The following MAP2K2 variants were observed in gnomAD, a reference collection of about 807,000 sequenced individuals.
MAP2K2 encodes the protein mitogen-activated protein kinase kinase 2.
MAP2K2 carries 24 observed loss-of-function variants against 43.7 expected under a neutral mutation model. That is an observed-to-expected ratio of 0.55 (90% CI 0.40 to 0.77). MAP2K2 has a LOEUF of 0.77. Among genes scored for constraint, MAP2K2 ranks in the 30% least tolerant of loss-of-function variants. MAP2K2 has a pLI of 0.00. For synonymous variants in MAP2K2, 244 were observed against 239.7 expected, an observed-to-expected ratio of 1.02 and a Z score of -0.17; for missense variants, 470 against 566.8, an observed-to-expected ratio of 0.83 and a Z score of 1.73.
intron 1 of MAP2K2, among the ~76,000 whole-genome samples, chr19:4,118,460 T>C (rs966921509): frequency 2.6e-5 from 4 of 152,078 alleles, no homozygotes; most frequent in African/African-American, 9.7e-5. Context: ...ACGTTTGCAG[T>C]CCCAGCTACT....
chr19:4,104,202 T>C (rs192451062), intron 3 of MAP2K2, among the ~76,000 whole-genome samples: 1 of 145,720 alleles, frequency 6.9e-6, no homozygotes, highest in Non-Finnish European at 1.5e-5. Context: ...GAGGCAGAGG[T>C]TGCTGTGAGT....
intron 3 of MAP2K2, chr19:4,103,589 AG>A (rs1348367729): frequency 6.6e-6 from 1 of 151,768 alleles, no homozygotes; most frequent in Admixed American, 6.6e-5. Context: ...ATGCTGCTCC[AG>A]GACTCCTGCA....
intron 3 of MAP2K2, among the ~76,000 whole-genome samples, chr19:4,108,706 C>T (rs982135529): frequency 1.3e-5 from 2 of 152,052 alleles, no homozygotes; most frequent in African/African-American, 2.4e-5. Flanking sequence ...AGGTTGGGGG[C>T]GGGTTGCCAC....
In MAP2K2 at chr19:4,097,349, C is replaced by T. The variant is rs1258620869; in HGVS notation, c.920-6G>A. The T allele has an allele frequency of 6.2e-6, 10 of 1,610,782 alleles. No individual in the cohort carries two copies. The highest frequency in any genetic ancestry group is 8.5e-6 in the Non-Finnish European group (10 of 1,178,208). On this transcript the variant is annotated splice_region_variant and splice_polypyrimidine_tract_variant and intron_variant, in intron 7 of 10. Transcript: ENST00000262948. ...CCGGCTATCCATCCCGTGACCTGCA[C>T]AGGGAGAGAGATGGAGGTGAGATGG...
rs1033120487 is a variant in MAP2K2 at position 4,101,789 on chromosome 19, C to T, written c.529-509G>A. Among the ~76,000 whole-genome samples, 9 of 152,170 alleles carry T rather than the reference C, an allele frequency of 5.9e-5. No homozygotes were observed. The highest frequency in any genetic ancestry group is 8.8e-5 in the Non-Finnish European group (6 of 68,026). On this transcript the variant is annotated intron_variant, in intron 4 of 10. Transcript: ENST00000262948. This position sits in a 1 kb window ranked among gnomAD's most constrained non-coding sequence, Gnocchi z 6.3. ...GGCAGTGTGACGGCAGCTTTCAACT[C>T]GGAAACGCGTGTCTGGCAGCATGCG...
At chr19:4,118,396 A>C (rs1280567706) in intron 1 of MAP2K2, among the ~76,000 whole-genome samples, 1 of 152,112 alleles carries the variant, frequency 6.6e-6, no homozygotes, top group African/African-American at 2.4e-5. Context: ...GAGAACCAAG[A>C]GTAGAGGGCA....
At chr19:4,107,251 C>G (rs568113519) in intron 3 of MAP2K2, among the ~76,000 whole-genome samples, 2 of 151,868 alleles carry the variant, frequency 1.3e-5, no homozygotes, top group Non-Finnish European at 2.9e-5. Context: ...TTGCCGGGCG[C>G]GGTGGCTCAC....
chr19:4,095,971 C>T (rs1444944472), intron 8 of MAP2K2, among the ~76,000 whole-genome samples: 2 of 152,212 alleles, frequency 1.3e-5, no homozygotes, highest in Non-Finnish European at 2.9e-5. Context: ...GACGGTATTT[C>T]ACCAGGTTGG....
intron 4 of MAP2K2, among the ~76,000 whole-genome samples, chr19:4,102,066 C>T (rs895764956): frequency 1.3e-5 from 2 of 152,158 alleles, no homozygotes; most frequent in East Asian, 3.9e-4. Context: ...AGCTCCTGTC[C>T]CCTGCAACGT....
intron 3 of MAP2K2, chr19:4,102,707 G>C: frequency 1.7e-6 from 2 of 1,194,036 alleles, no homozygotes; most frequent in Admixed American, 2.7e-5. Flanking sequence ...CGAATCAGTT[G>C]CGTGACTCGG....
intron 2 of MAP2K2, among the ~76,000 whole-genome samples, chr19:4,112,958 C>A (rs2041174579): frequency 6.6e-6 from 1 of 152,202 alleles, no homozygotes; most frequent in Admixed American, 6.5e-5. Flanking sequence ...GCCCTTGAAG[C>A]TTGGTGCGTG....
rs183681372 is a variant in MAP2K2 at position 4,105,564 on chromosome 19, A to G, written c.451-3111T>C. On this transcript the variant is annotated intron_variant, in intron 3 of 10. Transcript: ENST00000262948. ...TGGGATTACAGGCTTGAGCCACCGC[A>G]CCCGGCAAACACATTTTTCTTATAA... Among the ~76,000 whole-genome samples the G allele has an allele frequency of 3.5e-3, 525 of 151,806 alleles. 3 individuals carry two copies. The highest frequency in any genetic ancestry group is 0.012 in the African/African-American group (508 of 41,348).
At chr19:4,123,436 A>G (rs370389804) in intron 1 of MAP2K2, among the ~76,000 whole-genome samples, 26 of 150,718 alleles carry the variant, frequency 1.7e-4, no homozygotes, top group African/African-American at 6.4e-4. Flanking sequence ...CGTTATCCCA[A>G]TTCCACTCTT....
chr19:4,112,557 G>C (rs2041167054), intron 2 of MAP2K2, among the ~76,000 whole-genome samples: 1 of 152,176 alleles, frequency 6.6e-6, no homozygotes, highest in South Asian at 2.1e-4. Flanking sequence ...CTGTGACCTT[G>C]AGAAGCATGG....
intron 1 of MAP2K2, among the ~76,000 whole-genome samples, chr19:4,120,239 A>C (rs1371962167): frequency 6.6e-6 from 1 of 152,240 alleles, no homozygotes; most frequent in African/African-American, 2.4e-5. Flanking sequence ...AGAAGCAGAA[A>C]TGGCGAGACC....
chr19:4,118,652 T>G (rs531074839), intron 1 of MAP2K2, among the ~76,000 whole-genome samples: 2 of 151,942 alleles, frequency 1.3e-5, no homozygotes, highest in Non-Finnish European at 2.9e-5. Flanking sequence ...GTGAGACCTA[T>G]AGCCGAGCAC....
Position 4,099,365 on chromosome 19 carries a change from C to T in MAP2K2, c.755G>A (p.Ser252Asn), listed in dbSNP as rs1157111874. The part of the protein sequence containing the change: ...THYSVQSDIW[S>N]MGLSLVELAV... ...CAGCTCCACCAGGGACAGGCCCATG[C>T]TCCAGATGTCCGACTGCACCGAGTA... The change falls in exon 7 of 11, where the codon AGC becomes AAC. Residue 252 changes from serine (S) to asparagine (N), a missense_variant. Around this residue, in one of 3 missense-constraint regions of MAP2K2, gnomAD observed 212 missense variants for 220.8 expected, o/e 0.96. Transcript: ENST00000262948. 1 of 1,611,854 alleles carries T rather than the reference C, an allele frequency of 6.2e-7. No individual in the cohort carries two copies. The highest frequency in any genetic ancestry group is 1.7e-4 in the Middle Eastern group (1 of 6,060).
chr19:4,095,376 G>A lies in MAP2K2; in HGVS notation c.1046+12C>T, dbSNP rs755029740. 7.1e-6 allele frequency: 11 copies of A among 1,550,704 alleles called. No homozygotes were observed. The highest frequency in any genetic ancestry group is 4.9e-5 in the East Asian group (2 of 40,900). ...TCCCGGCCAGGGGTGTGGGCAGCCC[G>A]GCTCCACCTACCATTTATTGACAAA... On this transcript the variant is annotated intron_variant, in intron 9 of 10. Transcript: ENST00000262948.
chr19:4,117,295 G>A lies in MAP2K2; in HGVS notation c.303+124C>T. ...TCTCAGGACCTAGAGTCCCTGGTGG[G>A]GATGAGGGACAGAGCCTGGAGCTAA... On this transcript the variant is annotated intron_variant, in intron 2 of 10. Coordinates refer to ENST00000262948, the MANE Select transcript of MAP2K2 (RefSeq NM_030662.4). The A allele has an allele frequency of 3.2e-6, 3 of 943,728 alleles. No individual in the cohort carries two copies. In the South Asian group the frequency reaches 4.4e-5, roughly 14 times the overall value. The allele number at this position is 943,728 out of a possible 1,614,324, so 58.5% of individuals were successfully genotyped here. A position where few individuals can be genotyped will look rare whatever the true frequency, so the allele number is the denominator to read the frequency against.
Sources: gnomAD v4.1 joint callset for allele counts (sites outside exome capture counted in the v4.1 genomes callset) on GRCh38, gnomAD v4.1.1 for gene constraint, gnomAD v4.1.1 regional missense constraint, Gnocchi (gnomAD v3.1) non-coding constraint, MANE v1.5 for transcripts, NCBI Gene and HGNC (gene_info 2026-07-23, HGNC 2026-07-21) for gene names.